Variants in WDPCP observed in about 807,000 individuals in gnomAD.
WDPCP encodes the protein WD repeat containing planar cell polarity effector.
A neutral mutation model predicts 93.1 loss-of-function variants in WDPCP; 71 were observed. The observed-to-expected ratio is 0.76, with a 90% CI of 0.63 to 0.93. The LOEUF (loss-of-function observed/expected upper bound fraction) is 0.93. WDPCP is among the 40% of genes least tolerant of loss of function. The pLI, the probability that WDPCP is intolerant of heterozygous loss-of-function variation, is 0.00. For missense variants in WDPCP, 844 were observed against 887.4 expected, an observed-to-expected ratio of 0.95 and a Z score of 0.62; for synonymous variants, 315 against 315.0, an observed-to-expected ratio of 1.00 and a Z score of 0.00.
At chr2:63,458,467 A>T (rs890475917) in intron 6 of WDPCP, among the ~76,000 whole-genome samples, 1 of 152,192 alleles carries the variant, frequency 6.6e-6, no homozygotes, top group Admixed American at 6.5e-5. Context: ...GCGAGAAAGA[A>T]ATCAAGAAGA....
intron 15 of WDPCP, among the ~76,000 whole-genome samples, chr2:63,165,443 G>A (rs906827421): frequency 2.0e-5 from 3 of 151,872 alleles, no homozygotes; most frequent in African/African-American, 7.3e-5. Flanking sequence ...TTTTTTACAT[G>A]AATGATATTG....
At chr2:63,517,586 T>A (rs527806121) in intron 1 of WDPCP, among the ~76,000 whole-genome samples, 219 of 152,354 alleles carry the variant, frequency 1.4e-3, no homozygotes, top group African/African-American at 4.9e-3. Flanking sequence ...AAGTAAAGAC[T>A]GGTTGAAGCA....
At chr2:63,466,852 C>T (rs1699375255) in intron 6 of WDPCP, among the ~76,000 whole-genome samples, 1 of 151,998 alleles carries the variant, frequency 6.6e-6, no homozygotes, top group Non-Finnish European at 1.5e-5. Context: ...TGGAAGCTTC[C>T]AAAACGTTAT....
chr2:63,487,327 C>T lies in WDPCP; in HGVS notation c.208+120G>A, dbSNP rs1700628910. 5.6e-6 allele frequency: 4 copies of T among 708,006 alleles called. No homozygotes were observed. In the Admixed American group the frequency reaches 8.2e-5, roughly 15 times the overall value. The allele number at this position is 708,006 out of a possible 1,614,324, so 43.9% of individuals were successfully genotyped here. A position where few individuals can be genotyped will look rare whatever the true frequency, so the allele number is the denominator to read the frequency against. On this transcript the variant is annotated intron_variant, in intron 3 of 17. Transcript: ENST00000272321. ...GCATTTTTCTAAAGAACTGAAGGGA[C>T]TTTTCTTAAAATTCTAGAATTTATC...
At chr2:63,327,108 C>T (rs1329903980) in intron 12 of WDPCP, among the ~76,000 whole-genome samples, 2 of 152,068 alleles carry the variant, frequency 1.3e-5, no homozygotes, top group African/African-American at 4.8e-5. Flanking sequence ...CCCTTCAGGA[C>T]AGGACAATAG....
rs1405192894 is a variant in WDPCP at position 63,221,976 on chromosome 2, GGGTT to G, written c.1915+37327_1915+37330del. Among the ~76,000 whole-genome samples, 35 of 152,196 alleles carry G rather than the reference GGGTT, an allele frequency of 2.3e-4. 1 individual carries two copies. The highest frequency in any genetic ancestry group is 8.2e-4 in the African/African-American group (34 of 41,538). On this transcript the variant is annotated intron_variant, in intron 14 of 17. Transcript: ENST00000272321. ...GGAGGGGTGCGGGCTGTCCCATTCTGGGTTGGATCCTTTCCCATAGTTGGAGAGA... is the reference window on the plus strand; with the variant it reads ...GGAGGGGTGCGGGCTGTCCCATTCTGGGATCCTTTCCCATAGTTGGAGAGA...
chr2:63,156,597 G>A (rs1380443625), intron 15 of WDPCP, among the ~76,000 whole-genome samples: 1 of 151,980 alleles, frequency 6.6e-6, no homozygotes, highest in Non-Finnish European at 1.5e-5. Flanking sequence ...AATTAGCCAG[G>A]CGTGGTGGCA....
intron 2 of WDPCP, among the ~76,000 whole-genome samples, chr2:63,659,237 T>C (rs1285345261): frequency 4.6e-5 from 7 of 152,178 alleles, no homozygotes; most frequent in African/African-American, 1.4e-4. Flanking sequence ...AGTTTCAGGA[T>C]ATCAGAAAGA....
At chr2:63,392,415 C>G (rs1401432615) in intron 10 of WDPCP, among the ~76,000 whole-genome samples, 1 of 152,152 alleles carries the variant, frequency 6.6e-6, no homozygotes, top group Non-Finnish European at 1.5e-5. Context: ...AAATGTTAGG[C>G]CTAAAACCAT....
At chr2:63,232,473 C>G (rs958249313) in intron 14 of WDPCP, 1 of 152,298 alleles carries the variant, frequency 6.6e-6, no homozygotes, top group Admixed American at 6.6e-5. Flanking sequence ...CCTTGGCCAA[C>G]AGCTGCTGTG....
intron 14 of WDPCP, among the ~76,000 whole-genome samples, chr2:63,223,304 A>G (rs945463040): frequency 8.5e-5 from 13 of 152,148 alleles, no homozygotes; most frequent in African/African-American, 1.2e-4. Context: ...ATCAGCAAAG[A>G]CCTAGATTCT....
chr2:63,335,098 T>G (rs1431244720), intron 12 of WDPCP, among the ~76,000 whole-genome samples: 1 of 152,220 alleles, frequency 6.6e-6, no homozygotes, highest in African/African-American at 2.4e-5. Context: ...GCTAGATGCG[T>G]AAGTGACTAT....
chr2:63,752,479 G>A, intron 2 of WDPCP: 1 of 780,452 alleles, frequency 1.3e-6, no homozygotes, highest in Admixed American at 1.7e-5. Context: ...AGCCCCTGGA[G>A]CGCTTGGTGT....
intron 15 of WDPCP, among the ~76,000 whole-genome samples, chr2:63,154,737 C>T (rs755697536): frequency 5.3e-5 from 8 of 152,038 alleles, no homozygotes; most frequent in Non-Finnish European, 1.0e-4. Context: ...AAGAGTTGTA[C>T]CATTTTATAT....
chr2:63,525,044 C>T (rs1245792661), intron 1 of WDPCP, among the ~76,000 whole-genome samples: 3 of 152,022 alleles, frequency 2.0e-5, no homozygotes, highest in Non-Finnish European at 4.4e-5. Flanking sequence ...TATAGATACA[C>T]AAAGTAATAC....
intron 14 of WDPCP, among the ~76,000 whole-genome samples, chr2:63,209,964 G>T (rs1390005370): frequency 6.6e-6 from 1 of 152,090 alleles, no homozygotes; most frequent in Admixed American, 6.5e-5. Flanking sequence ...TAGAAAATAT[G>T]TACTGTGTTA....
chr2:63,540,770 G>C (rs552910560), intron 1 of WDPCP, among the ~76,000 whole-genome samples: 2 of 151,920 alleles, frequency 1.3e-5, no homozygotes, highest in Non-Finnish European at 2.9e-5. Context: ...TTGTTTGTTT[G>C]TTTTTGAGAG....
At chr2:63,697,955 C>CT (rs959801583) in intron 2 of WDPCP, among the ~76,000 whole-genome samples, 23 of 141,408 alleles carry the variant, frequency 1.6e-4, no homozygotes, top group African/African-American at 2.9e-4. Flanking sequence ...CAGCCTATGA[C>CT]TTTTTTTTTT....
intron 12 of WDPCP, among the ~76,000 whole-genome samples, chr2:63,370,889 T>C (rs544160854): frequency 6.6e-6 from 1 of 151,020 alleles, no homozygotes; most frequent in South Asian, 2.1e-4. Flanking sequence ...ATTTTGGTTT[T>C]TGTTACATTT....
Sources: allele counts gnomAD v4.1 joint callset (sites outside exome capture counted in the v4.1 genomes callset), GRCh38; gene constraint gnomAD v4.1.1; transcripts MANE v1.5; gene names NCBI Gene and HGNC (gene_info 2026-07-23, HGNC 2026-07-21).